Variants in SYT14 observed in about 807,000 individuals in gnomAD.
SYT14 encodes the protein synaptotagmin-14.
Under a neutral mutation model 74.2 loss-of-function variants are expected in SYT14, and 32 were observed. The observed-to-expected ratio is 0.43, with a 90% CI of 0.33 to 0.58. The LOEUF is 0.58. SYT14 is among the 20% of genes least tolerant of loss of function. The pLI is 0.05. For synonymous variants in SYT14, 298 were observed against 337.7 expected (o/e 0.88, Z 1.29); for missense variants, 791 against 981.8 (o/e 0.81, Z 2.60).
intron 4 of SYT14, among the ~76,000 whole-genome samples, chr1:210,018,592 AAGTAC>A (rs1376262696): frequency 1.3e-5 from 2 of 152,196 alleles, no homozygotes; most frequent in Non-Finnish European, 2.9e-5. Flanking sequence ...TACTAGTAAT[AAGTAC>A]ATTACAAATA....
chr1:210,096,816 C>T (rs2081973935), intron 6 of SYT14, among the ~76,000 whole-genome samples: 1 of 152,210 alleles, frequency 6.6e-6, no homozygotes, highest in Non-Finnish European at 1.5e-5. Context: ...CATTTCATCC[C>T]TTTCTATAGG....
intron 7 of SYT14, among the ~76,000 whole-genome samples, chr1:210,151,588 CTT>C (rs2083165097): frequency 7.1e-6 from 1 of 140,132 alleles, no homozygotes; most frequent in Non-Finnish European, 1.5e-5. Flanking sequence ...TGAGTGATCT[CTT>C]TGGACTGCCA....
In SYT14 at chr1:210,066,237, T is replaced by C. The variant is rs1361186160; in HGVS notation, c.1313-28085T>C. ...CATGATTTATAATCCTTTGGGTATA[T>C]ACCCAGTAATGGGATGGCTGGGTCA... On this transcript the variant is annotated intron_variant, in intron 5 of 9. Coordinates refer to ENST00000637265, the Ensembl canonical transcript of SYT14. 8.5e-5 allele frequency among the ~76,000 whole-genome samples: 13 copies of C among 152,202 alleles called. No homozygotes were observed. In the East Asian group the frequency reaches 2.3e-3, roughly 27 times the overall value.
At chr1:209,955,003 G>C (rs2078970931) in intron 2 of SYT14, among the ~76,000 whole-genome samples, 1 of 152,138 alleles carries the variant, frequency 6.6e-6, no homozygotes, top group Non-Finnish European at 1.5e-5. Flanking sequence ...ACCGCACTCG[G>C]CTAGACATCA....
chr1:210,048,389 A>T (rs1446062344), intron 5 of SYT14, among the ~76,000 whole-genome samples: 4 of 152,164 alleles, frequency 2.6e-5, no homozygotes, highest in Non-Finnish European at 5.9e-5. Context: ...GTTCCACATC[A>T]CTGGGGAGGC....
intron 9 of SYT14, among the ~76,000 whole-genome samples, chr1:210,160,278 T>G (rs2083346945): frequency 6.6e-6 from 1 of 152,148 alleles, no homozygotes; most frequent in Non-Finnish European, 1.5e-5. Context: ...CATTTCTATT[T>G]GTTTGTTTAT....
chr1:210,132,894 TTAC>T (rs2082707115), intron 7 of SYT14, among the ~76,000 whole-genome samples: 1 of 152,160 alleles, frequency 6.6e-6, no homozygotes, highest in Non-Finnish European at 1.5e-5. Context: ...ACTATACCTC[TTAC>T]TTGTTTCTGA....
At chr1:210,158,510 T>C (rs1372768306) in intron 8 of SYT14, among the ~76,000 whole-genome samples, 1 of 152,178 alleles carries the variant, frequency 6.6e-6, no homozygotes, top group East Asian at 1.9e-4. Flanking sequence ...TGAAATGATA[T>C]GTTTGCCTTT....
In SYT14 at chr1:210,021,026, T is replaced by C. The variant is rs1011139297; in HGVS notation, c.1097-13T>C. ...TTTCAATTACCGTTTGTTCTTCATGTCATTCCAAATAGATAATTCCTACAT... is the reference window on the plus strand; with the variant it reads ...TTTCAATTACCGTTTGTTCTTCATGCCATTCCAAATAGATAATTCCTACAT... On this transcript the variant is annotated splice_polypyrimidine_tract_variant and intron_variant, in intron 4 of 9. Transcript: ENST00000637265. 3 of 1,612,782 alleles carry C rather than the reference T, an allele frequency of 1.9e-6. No homozygotes were observed. In the African/African-American group the frequency reaches 4.0e-5, roughly 22 times the overall value.
chr1:209,985,035 G>A (rs1021401726), intron 2 of SYT14, among the ~76,000 whole-genome samples: 2 of 152,178 alleles, frequency 1.3e-5, no homozygotes, highest in Admixed American at 1.3e-4. Flanking sequence ...GGTGGGGACA[G>A]ATATACAAGC....
intron 5 of SYT14, among the ~76,000 whole-genome samples, chr1:210,021,882 C>CT (rs1274136521): frequency 6.6e-6 from 1 of 152,170 alleles, no homozygotes; most frequent in African/African-American, 2.4e-5. Flanking sequence ...CTGAAATTGA[C>CT]TTTAGAACTC....
At chr1:209,999,681 A>G (rs1008387397) in intron 2 of SYT14, among the ~76,000 whole-genome samples, 6 of 152,192 alleles carry the variant, frequency 3.9e-5, no homozygotes, top group Admixed American at 3.3e-4. Context: ...GCTCTCACTC[A>G]TATGTGGGAG....
At chr1:210,063,003 C>T (rs1572235387) in intron 5 of SYT14, among the ~76,000 whole-genome samples, 1 of 142,434 alleles carries the variant, frequency 7.0e-6, no homozygotes, top group Non-Finnish European at 1.5e-5. Context: ...GCCTTTGTTG[C>T]ATGTAATATT....
At chr1:210,075,034 C>T (rs192024860) in intron 5 of SYT14, among the ~76,000 whole-genome samples, 2 of 152,260 alleles carry the variant, frequency 1.3e-5, no homozygotes, top group African/African-American at 4.8e-5. Flanking sequence ...TTTTATTGAG[C>T]GCAAGTAGCT....
At chr1:210,145,753 G>A (rs2083019915) in intron 7 of SYT14, among the ~76,000 whole-genome samples, 1 of 152,074 alleles carries the variant, frequency 6.6e-6, no homozygotes, top group African/African-American at 2.4e-5. Context: ...ACTTTTGGGG[G>A]CTTAGCTCAT....
intron 7 of SYT14, among the ~76,000 whole-genome samples, chr1:210,106,629 C>T (rs143834748): frequency 2.8e-4 from 42 of 152,190 alleles, no homozygotes; most frequent in East Asian, 1.9e-3. Flanking sequence ...CTCTTGAGAA[C>T]GAACTCACTC....
chr1:210,138,512 A>G (rs907880225), intron 7 of SYT14, among the ~76,000 whole-genome samples: 5 of 152,096 alleles, frequency 3.3e-5, no homozygotes, highest in African/African-American at 9.7e-5. Flanking sequence ...ATATCTCTCT[A>G]TATATTTGAA....
intron 7 of SYT14, among the ~76,000 whole-genome samples, chr1:210,122,009 G>C (rs2082478323): frequency 7.4e-5 from 1 of 13,444 alleles, no homozygotes; most frequent in Non-Finnish European, 1.0e-4. Flanking sequence ...ACGGAGTCTC[G>C]CTCTGTCGCC....
intron 5 of SYT14, among the ~76,000 whole-genome samples, chr1:210,039,942 T>C (rs2080751260): frequency 6.6e-6 from 1 of 152,164 alleles, no homozygotes; most frequent in Admixed American, 6.5e-5. Context: ...GGAGTGTAAA[T>C]GCGTTCAACC....
Sources: allele counts gnomAD v4.1 joint callset (sites outside exome capture counted in the v4.1 genomes callset), GRCh38; gene constraint gnomAD v4.1.1; transcripts MANE v1.5; gene names NCBI Gene and HGNC (gene_info 2026-07-23, HGNC 2026-07-21).